Variants in MGAM2 observed in about 807,000 individuals in gnomAD.
MGAM2 encodes the protein maltase-glucoamylase 2 (putative), also known as probable maltase-glucoamylase 2.
MGAM2 carries 98 observed loss-of-function variants against 96.1 expected under a neutral mutation model. The ratio of observed to expected loss-of-function variants is 1.02; its 90% CI spans 0.87 to 1.21. The LOEUF (loss-of-function observed/expected upper bound fraction) is 1.21, where lower values mean the gene tolerates loss of function less well. MGAM2 is among the 50% of genes most tolerant of loss of function. The probability of loss-of-function intolerance (pLI) is 0.00; values close to 1 mark genes in which losing one functional copy is unlikely to be tolerated. For missense variants in MGAM2, 2,055 were observed against 1,182.4 expected (o/e 1.74, Z -10.82); for synonymous variants, 749 against 414.8 (o/e 1.81, Z -9.79).
chr7:142,206,455 A>C (rs1257466292), intron 45 of MGAM2, among the ~76,000 whole-genome samples: 1 of 152,140 alleles, frequency 6.6e-6, no homozygotes, highest in Non-Finnish European at 1.5e-5. Flanking sequence ...AGAGAGGCAA[A>C]ATTACTGCTG....
intron 26 of MGAM2, 53 bp from the exon 27 acceptor site, chr7:142,170,022 G>A (rs1290220118): frequency 1.5e-6 from 1 of 657,452 alleles, no homozygotes; most frequent in Non-Finnish European, 2.7e-6. Flanking sequence ...GGTGGCATGA[G>A]GGGTTTTAGG....
intron 26 of MGAM2, among the ~76,000 whole-genome samples, chr7:142,168,761 T>A (rs1462439575): frequency 8.0e-6 from 1 of 124,564 alleles, no homozygotes; most frequent in Admixed American, 7.2e-5. Context: ...TTAATAATAT[T>A]TTAACCAATG....
At chr7:142,119,994 A>T (rs984491503) in intron 2 of MGAM2, among the ~76,000 whole-genome samples, 1 of 152,246 alleles carries the variant, frequency 6.6e-6, no homozygotes, top group East Asian at 1.9e-4. Flanking sequence ...CAGGTTGTAC[A>T]ACTTCATAAC....
chr7:142,171,687 T>A (rs1796198241), intron 28 of MGAM2, among the ~76,000 whole-genome samples: 1 of 129,590 alleles, frequency 7.7e-6, no homozygotes, highest in Non-Finnish European at 1.6e-5. Flanking sequence ...ATGTATATAT[T>A]TCCCTCTGTC....
intron 1 of MGAM2, among the ~76,000 whole-genome samples, chr7:142,113,900 G>A (rs1378577138): frequency 6.6e-6 from 1 of 152,082 alleles, no homozygotes; most frequent in Non-Finnish European, 1.5e-5. Context: ...GGGAGGCCAA[G>A]GCGGGCGGAT....
chr7:142,203,752 C>G (rs1329267146), intron 45 of MGAM2, among the ~76,000 whole-genome samples: 2 of 151,592 alleles, frequency 1.3e-5, no homozygotes, highest in Middle Eastern at 3.2e-3. Flanking sequence ...TAGGGAAAGA[C>G]TCTATTCAAT....
In MGAM2 at chr7:142,197,382, G is replaced by C. The variant is rs1002255314; in HGVS notation, c.4633-18G>C. ...ATGAAGAAGAGGTGATCCATTATATGCTTCTTTATCCTTACAGAGACAAGA... is the reference window on the plus strand; with the variant it reads ...ATGAAGAAGAGGTGATCCATTATATCCTTCTTTATCCTTACAGAGACAAGA... On this transcript the variant is annotated intron_variant, in intron 40 of 47. Coordinates refer to ENST00000477922, the MANE Select transcript of MGAM2 (RefSeq NM_001293626.2). 2.8e-6 allele frequency: 2 copies of C among 702,166 alleles called. No homozygotes were observed. The highest frequency in any genetic ancestry group is 5.2e-6 in the Non-Finnish European group (2 of 384,678). The allele number at this position is 702,166 out of a possible 1,614,324, so 43.5% of individuals were successfully genotyped here. A position where few individuals can be genotyped will look rare whatever the true frequency, so the allele number is the denominator to read the frequency against.
At chr7:142,179,762 G>T (rs1470024862) in intron 32 of MGAM2, among the ~76,000 whole-genome samples, 1 of 152,116 alleles carries the variant, frequency 6.6e-6, no homozygotes, top group African/African-American at 2.4e-5. Context: ...GGTTTGGTTT[G>T]TTAGTCTTTT....
chr7:142,165,246 G>A (rs1795997720), intron 24 of MGAM2, among the ~76,000 whole-genome samples: 2 of 152,274 alleles, frequency 1.3e-5, no homozygotes, highest in South Asian at 2.1e-4. Flanking sequence ...TCGGAACCCC[G>A]AGAGAAGGAA....
At chr7:142,185,831 C>A (rs118141414) in intron 34 of MGAM2, among the ~76,000 whole-genome samples, 158 bp from the exon 35 acceptor site, 1 of 152,178 alleles carries the variant, frequency 6.6e-6, no homozygotes. Context: ...AGTCAGCCTT[C>A]CCCAATCTCT....
intron 15 of MGAM2, among the ~76,000 whole-genome samples, chr7:142,153,152 C>T (rs1297883473): frequency 6.6e-6 from 1 of 152,020 alleles, no homozygotes; most frequent in Non-Finnish European, 1.5e-5. Context: ...CAGGCGCACA[C>T]CACCATGTCC....
chr7:142,218,528 T>A lies in MGAM2; in HGVS notation c.5355T>A (p.Asn1785Lys). 1.4e-6 allele frequency: 1 copy of A among 692,370 alleles called. No individual in the cohort carries two copies. Among genetic ancestry groups the A allele is most frequent in the South Asian group, 1.5e-5 (1 of 65,028 alleles). The allele number at this position is 692,370 out of a possible 1,614,324, so 42.9% of individuals were successfully genotyped here. ...METNFKSEPY[N>K]QILTIQLTDK... Reference sequence around the variant, plus strand: ...CAAATTTCAAGAGTGAACCTTATAATCAGGTAGGTCTGAAAGGAATATTAG... The same window carrying A: ...CAAATTTCAAGAGTGAACCTTATAAACAGGTAGGTCTGAAAGGAATATTAG... The change falls in exon 47 of 48, where the codon AAT becomes AAA. Residue 1785 changes from asparagine to lysine, a missense_variant. By Grantham distance (94) the Asn-to-Lys change is moderately conservative. Coordinates refer to ENST00000477922, the MANE Select transcript of MGAM2 (RefSeq NM_001293626.2).
intron 15 of MGAM2, among the ~76,000 whole-genome samples, chr7:142,150,122 G>A (rs933594550): frequency 1.3e-5 from 2 of 151,770 alleles, no homozygotes; most frequent in Non-Finnish European, 2.9e-5. Flanking sequence ...TGTATTTTTA[G>A]TAGAGACGGG....
At chr7:142,174,102 G>A (rs759374791) in intron 31 of MGAM2, among the ~76,000 whole-genome samples, 30 of 152,186 alleles carry the variant, frequency 2.0e-4, no homozygotes, top group Non-Finnish European at 3.5e-4. Context: ...TAGTTTAAAG[G>A]GGGATCACCT....
At chr7:142,120,148 G>A (rs1794520361) in intron 2 of MGAM2, among the ~76,000 whole-genome samples, 154 bp from the exon 3 acceptor site, 1 of 152,194 alleles carries the variant, frequency 6.6e-6, no homozygotes, top group Non-Finnish European at 1.5e-5. Flanking sequence ...TACCAGTTTG[G>A]AGAAGTGTTA....
At chr7:142,124,337 T>C (rs528101729) in intron 3 of MGAM2, among the ~76,000 whole-genome samples, 1 of 152,256 alleles carries the variant, frequency 6.6e-6, no homozygotes, top group East Asian at 1.9e-4. Context: ...ACCATCTTTT[T>C]CCCTCTGCAT....
chr7:142,189,461 C>A lies in MGAM2; in HGVS notation c.4302C>A (p.Asn1434Lys), dbSNP rs745396351. The change falls in exon 37 of 48, where the codon AAC (asparagine) becomes AAA (lysine). Residue 1434 changes from asparagine to lysine, a missense_variant. Physicochemically the swap from Asn to Lys is moderately conservative, Grantham distance 94. Transcript: ENST00000477922. ...ACAGCTCCCCCGTGGAGCACTACAA[C>A]GTGCACAACCTGTACGGGTGGTCCC... is the stretch of plus-strand genomic sequence containing the variant. Reference protein sequence around the residue: ...LPDSSPVEHYNVHNLYGWSQT... With the variant: ...LPDSSPVEHYKVHNLYGWSQT... The A allele has an allele frequency of 3.5e-6, 3 of 853,700 alleles. No homozygotes were observed. Among genetic ancestry groups the A allele is most frequent in the Non-Finnish European group, 5.9e-6 (3 of 510,508 alleles). 52.9% of individuals were successfully genotyped at this position (853,700 alleles called of 1,614,324 possible).
rs573367953 is a variant in MGAM2 at position 142,160,567 on chromosome 7, G to A, written c.2345+309G>A. Among the ~76,000 whole-genome samples the A allele has an allele frequency of 5.9e-5, 9 of 151,822 alleles. No individual in the cohort carries two copies. In the East Asian group the frequency reaches 1.2e-3, roughly 20 times the overall value. ...ATTGTCCTTAGGTATATTCCCTACC[G>A]TGTGAGAGAATTTGAGTTAAATAGG... On this transcript the variant is annotated intron_variant, in intron 21 of 47. Transcript: ENST00000477922.
intron 9 of MGAM2, among the ~76,000 whole-genome samples, chr7:142,138,024 G>A (rs1048327987): frequency 5.3e-5 from 8 of 152,188 alleles, no homozygotes; most frequent in African/African-American, 1.9e-4. Flanking sequence ...AGACCAGCCT[G>A]GCCAACATGG....
Sources: gnomAD v4.1 joint callset for allele counts (sites outside exome capture counted in the v4.1 genomes callset) on GRCh38, gnomAD v4.1.1 for gene constraint, MANE v1.5 for transcripts, NCBI Gene and HGNC (gene_info 2026-07-23, HGNC 2026-07-21) for gene names.